SEMA4D: variants seen among roughly 807,000 people sequenced by gnomAD.
SEMA4D encodes the protein semaphorin 4D, also known as semaphorin-4D.
SEMA4D carries 22 observed loss-of-function variants against 74.8 expected under a neutral mutation model. The ratio of observed to expected loss-of-function variants is 0.29; its 90% confidence interval spans 0.21 to 0.42. The LOEUF is 0.42. Ranked by LOEUF, SEMA4D falls within the 10% of genes least tolerant of loss-of-function variation. The pLI is 1.00. For missense variants in SEMA4D, 937 were observed against 1,118.4 expected (o/e 0.84, Z 2.31); for synonymous variants, 445 against 463.7 (o/e 0.96, Z 0.52).
intron 1 of SEMA4D, among the ~76,000 whole-genome samples, chr9:89,473,531 G>T (rs991490943): frequency 1.3e-5 from 2 of 152,018 alleles, no homozygotes; most frequent in African/African-American, 4.8e-5. Flanking sequence ...AGGTTGCAGG[G>T]AATCAGCCTG....
intron 2 of SEMA4D, among the ~76,000 whole-genome samples, chr9:89,409,498 GT>G (rs1272607331): frequency 1.7e-4 from 26 of 152,334 alleles, no homozygotes; most frequent in African/African-American, 6.3e-4. Context: ...CTGTGCATGT[GT>G]GGGGAAGGAG....
intron 6 of SEMA4D, among the ~76,000 whole-genome samples, chr9:89,395,373 G>A (rs191652860): frequency 8.3e-4 from 126 of 151,330 alleles, no homozygotes; most frequent in Non-Finnish European, 1.5e-3. Context: ...GCAGTGAGCC[G>A]AGATCGCATC....
chr9:89,381,921 G>C lies in SEMA4D; in HGVS notation c.1447-575C>G, dbSNP rs1398825353. ...GACATGCAAAGGATGAGGAGATCGT[G>C]ATACAAAACATAAAAAAGGAACAAT... On this transcript the variant is annotated intron_variant, in intron 13 of 15. Coordinates refer to ENST00000422704, the MANE Select transcript of SEMA4D (RefSeq NM_001371194.2). This position sits in a 1 kb window ranked among gnomAD's most constrained non-coding sequence, Gnocchi z 4.6. The C allele has an allele frequency of 6.6e-6, 1 of 152,442 alleles. No individual in the cohort carries two copies. Among genetic ancestry groups the C allele is most frequent in the East Asian group, 1.9e-4 (1 of 5,204 alleles). 9.4% of individuals were successfully genotyped at this position (152,442 alleles called of 1,614,324 possible). A position where few individuals can be genotyped will look rare whatever the true frequency, so the allele number is the denominator to read the frequency against.
At position 89,381,204 on chromosome 9, in the gene SEMA4D, A is replaced by G. The variant is rs1836969985; in HGVS notation, c.1589T>C (p.Val530Ala). ...GGGGCTCTCGGTCTGGTGCAGAGCC[A>G]CGCAGGTCGCTGTGGGCGGGCTCCA... ...CAWSPPTATC[V>A]ALHQTESPSR... Residue 530 changes from valine (V) to alanine (A), a missense_variant, in exon 14 of 16, where the codon GTG becomes GCG. Coordinates refer to ENST00000422704, the MANE Select transcript of SEMA4D (RefSeq NM_001371194.2). The surrounding 1 kb of genome is among the most constrained non-coding windows in gnomAD (Gnocchi z 4.6). 1 of 1,609,972 alleles carries G rather than the reference A, an allele frequency of 6.2e-7. No individual in the cohort carries two copies.
intron 1 of SEMA4D, among the ~76,000 whole-genome samples, chr9:89,460,822 G>GT (rs1166366231): frequency 6.6e-6 from 1 of 152,238 alleles, no homozygotes; most frequent in East Asian, 1.9e-4. Context: ...GGCATTTTGT[G>GT]TAAGCTGCCC....
intron 13 of SEMA4D, among the ~76,000 whole-genome samples, chr9:89,384,253 T>C (rs1837884017): frequency 6.6e-6 from 1 of 152,168 alleles, no homozygotes; most frequent in African/African-American, 2.4e-5. Context: ...CATCAAGGGA[T>C]GAACGCACAC....
chr9:89,441,119 C>T (rs552494053), intron 2 of SEMA4D, among the ~76,000 whole-genome samples: 2 of 152,356 alleles, frequency 1.3e-5, no homozygotes, highest in Admixed American at 6.5e-5. Context: ...CCCTCTGCTG[C>T]GTCCACTGAT....
intron 13 of SEMA4D, 137 bp downstream of exon 13, chr9:89,386,230 G>T: frequency 9.9e-7 from 1 of 1,010,024 alleles, no homozygotes; most frequent in Non-Finnish European, 1.4e-6. Context: ...GTCAAACTCT[G>T]AAGGTTGGCT....
At chr9:89,433,383 C>T (rs1182263082) in intron 2 of SEMA4D, among the ~76,000 whole-genome samples, 4 of 152,186 alleles carry the variant, frequency 2.6e-5, no homozygotes, top group Non-Finnish European at 5.9e-5. Flanking sequence ...TGACGGAGTC[C>T]TTGATAGTGG....
At chr9:89,449,925 C>G (rs573959163) in intron 2 of SEMA4D, 2 of 1,454,208 alleles carry the variant, frequency 1.4e-6, no homozygotes, top group East Asian at 4.6e-5. Flanking sequence ...TAATGTAGCT[C>G]GTACTTTTCT....
At position 89,457,276 on chromosome 9, in the gene SEMA4D, C is replaced by T. The variant is rs1032307356; in HGVS notation, c.-309-1323G>A. On this transcript the variant is annotated intron_variant, in intron 1 of 15. Coordinates refer to ENST00000422704, the MANE Select transcript of SEMA4D (RefSeq NM_001371194.2). The stretch of plus-strand genomic sequence containing the variant: ...GCAGACCCAGTGCACCTGACTGTGA[C>T]GCTCGGGATGCTGCTGAATCACATT... Among the ~76,000 whole-genome samples the T allele has an allele frequency of 1.9e-4, 29 of 152,312 alleles. No homozygotes were observed. In the East Asian group the frequency reaches 2.3e-3, roughly 12 times the overall value.
intron 2 of SEMA4D, chr9:89,450,375 T>A (rs1438357771): frequency 9.3e-7 from 1 of 1,073,140 alleles, no homozygotes; most frequent in Non-Finnish European, 1.5e-6. Context: ...GAAAAGGCGT[T>A]TTGATGCCAT....
chr9:89,386,548 A>G, intron 12 of SEMA4D, 66 bp from the exon 13 acceptor site: 1 of 1,011,978 alleles, frequency 9.9e-7, no homozygotes, highest in Non-Finnish European at 1.6e-6. Context: ...CAGTGACCAC[A>G]GCGGCAAACT....
chr9:89,468,147 C>A (rs1012343918), intron 1 of SEMA4D, among the ~76,000 whole-genome samples: 12 of 152,246 alleles, frequency 7.9e-5, no homozygotes, highest in Admixed American at 4.6e-4. Context: ...AGGGATTGCA[C>A]AGAACCCCAC....
intron 2 of SEMA4D, among the ~76,000 whole-genome samples, chr9:89,425,143 G>A (rs965922145): frequency 6.6e-6 from 1 of 152,176 alleles, no homozygotes; most frequent in Non-Finnish European, 1.5e-5. Context: ...CATGTAACTG[G>A]CAGCCAGGAC....
At chr9:89,453,404 T>C (rs1855106490) in intron 2 of SEMA4D, among the ~76,000 whole-genome samples, 1 of 152,254 alleles carries the variant, frequency 6.6e-6, no homozygotes, top group Non-Finnish European at 1.5e-5. Context: ...TTGTATCCTG[T>C]GGCTCTCTGG....
At chr9:89,398,670 G>A (rs149666257) in intron 5 of SEMA4D, among the ~76,000 whole-genome samples, 3 of 152,268 alleles carry the variant, frequency 2.0e-5, no homozygotes, top group East Asian at 1.9e-4. Context: ...GCACTGTAAC[G>A]CACCCTCTGG....
intron 5 of SEMA4D, among the ~76,000 whole-genome samples, chr9:89,399,049 T>G (rs1453648813): frequency 3.9e-5 from 6 of 152,222 alleles, no homozygotes; most frequent in Admixed American, 3.9e-4. Flanking sequence ...AAAAAAGTAT[T>G]TCTCAAAGGC....
chr9:89,442,524 C>T (rs747002810), intron 2 of SEMA4D, among the ~76,000 whole-genome samples: 5 of 152,044 alleles, frequency 3.3e-5, no homozygotes, highest in African/African-American at 7.2e-5. Flanking sequence ...GAGGGGTGGG[C>T]GCCATCTGAA....
Sources: gnomAD v4.1 joint callset for allele counts (sites outside exome capture counted in the v4.1 genomes callset) on GRCh38, gnomAD v4.1.1 for gene constraint, Gnocchi (gnomAD v3.1) non-coding constraint, MANE v1.5 for transcripts, NCBI Gene and HGNC (gene_info 2026-07-23, HGNC 2026-07-21) for gene names.